USE1: variants seen among roughly 807,000 people sequenced by gnomAD.
USE1 encodes the protein unconventional SNARE in the ER 1.
In USE1, 32 loss-of-function variants were observed where a neutral mutation model predicts 37.6. That is an observed-to-expected ratio of 0.85 (90% CI 0.64 to 1.14). The LOEUF (loss-of-function observed/expected upper bound fraction) is 1.14, where lower values mean the gene tolerates loss of function less well. Ranked by LOEUF, USE1 falls within the 50% of genes most tolerant of loss-of-function variation. The pLI, the probability that USE1 is intolerant of heterozygous loss-of-function variation, is 0.00. For missense variants in USE1, 310 were observed against 332.2 expected (o/e 0.93, Z 0.52); for synonymous variants, 149 against 137.6 (o/e 1.08, Z -0.58).
intron 4 of USE1, among the ~76,000 whole-genome samples, chr19:17,216,784 G>C (rs2073293220): frequency 6.6e-6 from 1 of 152,214 alleles, no homozygotes; most frequent in African/African-American, 2.4e-5. Context: ...GTTAAGACCA[G>C]CCTGACCAAC....
Position 17,219,331 on chromosome 19 carries a change from C to T in USE1, c.541C>T (p.Arg181Trp), listed in dbSNP as rs761697349. 38 of 1,598,370 alleles carry T rather than the reference C, an allele frequency of 2.4e-5. No individual in the cohort carries two copies. Among genetic ancestry groups the T allele is most frequent in the Non-Finnish European group, 2.7e-5 (32 of 1,172,890 alleles). ...GGCGGAAGAGATGCTAGGACTGGCC[C>T]GGAGCCTCAAGACCAATACCCTGGC... is the stretch of plus-strand genomic sequence containing the variant. The part of the protein sequence containing the change: ...KLAEEMLGLA[R>W]SLKTNTLAAQ... The change falls in exon 7 of 8, where the codon CGG becomes TGG. Residue 181 changes from arginine to tryptophan, a missense_variant. Physicochemically the swap from Arg to Trp is moderately radical, Grantham distance 101. Coordinates refer to ENST00000263897, the MANE Select transcript of USE1 (RefSeq NM_018467.4).
chr19:17,217,447 C>A lies in USE1; in HGVS notation c.385-6C>A, dbSNP rs779651284. On this transcript the variant is annotated splice_region_variant and splice_polypyrimidine_tract_variant and intron_variant, in intron 4 of 7. Coordinates refer to ENST00000263897, the MANE Select transcript of USE1 (RefSeq NM_018467.4). ...CCAGCCTCATGCCACTTACTTCTTT[C>A]CACAGGACTCTGCAGGTGAGTCACC... The A allele has an allele frequency of 3.1e-6, 5 of 1,610,678 alleles. No individual in the cohort carries two copies. The South Asian group carries it at 5.5e-5, about 18-fold the overall frequency.
intron 1 of USE1, 144 bp downstream of exon 1, chr19:17,215,651 C>T: frequency 7.7e-7 from 1 of 1,302,148 alleles, no homozygotes; most frequent in Non-Finnish European, 1.1e-6. Flanking sequence ...CCACCTGTAG[C>T]TTCCGCCCCC....
chr19:17,215,418 A>T lies in USE1; in HGVS notation c.13A>T (p.Arg5Trp). ...GGGCCGGGCGATAATGGCGGCGTCGAGGCTGGAGCTAAACCTGGTGCGGCT... is the reference window on the plus strand; with the variant it reads ...GGGCCGGGCGATAATGGCGGCGTCGTGGCTGGAGCTAAACCTGGTGCGGCT... Reference protein sequence around the residue: MAASRLELNLVRLLS... With the variant: MAASWLELNLVRLLS... The change falls in exon 1 of 8, where the codon AGG becomes TGG. Residue 5 changes from arginine (R) to tryptophan (W), a missense_variant. Arg to Trp is a moderately radical substitution (Grantham distance 101). Transcript: ENST00000263897. 1 of 1,559,086 alleles carries T rather than the reference A, an allele frequency of 6.4e-7. No individual in the cohort carries two copies. The highest frequency in any genetic ancestry group is 8.7e-7 in the Non-Finnish European group (1 of 1,152,920).
intron 5 of USE1, chr19:17,217,761 A>C: frequency 2.2e-6 from 1 of 451,068 alleles, no homozygotes; most frequent in Non-Finnish European, 4.4e-6. Context: ...AAAATACAAA[A>C]CTTAGCCGGA....
intron 4 of USE1, among the ~76,000 whole-genome samples, chr19:17,217,102 G>A (rs972601527): frequency 6.6e-6 from 1 of 151,644 alleles, no homozygotes; most frequent in African/African-American, 2.4e-5. Context: ...ACAGGTTTGG[G>A]AACAAGACAA....
At chr19:17,218,275 A>G in intron 5 of USE1, 89 bp from the exon 6 acceptor site, 1 of 1,571,574 alleles carries the variant, frequency 6.4e-7, no homozygotes, top group Non-Finnish European at 8.7e-7. Flanking sequence ...ACAGCATTCC[A>G]AGCAGTAGAC....
intron 5 of USE1, 183 bp from the exon 6 acceptor site, chr19:17,218,181 G>A (rs1036579184): frequency 1.8e-5 from 13 of 728,490 alleles, no homozygotes; most frequent in Admixed American, 8.7e-5. Context: ...TGAGGGAACC[G>A]AGACAGGAGT....
intron 6 of USE1, 38 bp from the exon 7 acceptor site, chr19:17,219,175 C>T (rs1462533146): frequency 6.3e-7 from 1 of 1,576,696 alleles, no homozygotes; most frequent in Non-Finnish European, 8.6e-7. Context: ...TTTCCCACTC[C>T]ATCTCTCATG....
intron 1 of USE1, 47 bp from the exon 2 acceptor site, chr19:17,215,755 A>G (rs1314804744): frequency 5.0e-6 from 6 of 1,192,746 alleles, no homozygotes; most frequent in Non-Finnish European, 6.9e-6. Context: ...TCCCATGATC[A>G]GGACATGGGA....
Position 17,216,270 on chromosome 19 carries a change from G to A in USE1, c.333G>A (p.Leu111=). The change falls in exon 4 of 8, where the codon CTG becomes CTA. Residue 111 remains leucine (L), a synonymous_variant. Coordinates refer to ENST00000263897, the MANE Select transcript of USE1 (RefSeq NM_018467.4). The stretch of plus-strand genomic sequence containing the variant: ...TGCCCGCCACAAAGACGGTGCATCT[G>A]CAGTCACGGGCGCGGTACACCAGCG... ...ERVPATKTVH[L]QSRARYTSEM... is the part of the protein sequence containing the mutation. 1 of 1,613,122 alleles carries A rather than the reference G, an allele frequency of 6.2e-7. No homozygotes were observed. Among genetic ancestry groups the A allele is most frequent in the East Asian group, 2.2e-5 (1 of 44,882 alleles).
intron 6 of USE1, chr19:17,218,826 CAAAAA>C (rs34769436): frequency 3.9e-4 from 26 of 67,066 alleles, no homozygotes; most frequent in South Asian, 1.1e-3. Flanking sequence ...GATGCTGTCT[CAAAAA>C]AAAAAAAAAA....
intron 5 of USE1, 83 bp downstream of exon 5, chr19:17,217,545 G>T: frequency 6.4e-7 from 1 of 1,555,462 alleles, no homozygotes; most frequent in South Asian, 1.2e-5. Context: ...GGGCCTCCAT[G>T]CCGAGACTCC....
chr19:17,216,846 C>T (rs2073293621), intron 4 of USE1, among the ~76,000 whole-genome samples: 1 of 152,038 alleles, frequency 6.6e-6, no homozygotes, highest in Non-Finnish European at 1.5e-5. Context: ...GGCATGGTGG[C>T]TCACGCCTGT....
chr19:17,217,538 C>CCTCCATGCCGAGA, intron 5 of USE1, 76 bp downstream of exon 5: 4 of 1,569,374 alleles, frequency 2.5e-6, no homozygotes, highest in Non-Finnish European at 3.5e-6. Context: ...TGCCCCGGGG[C>CCTCCATGCCGAGA]CTCCATGCCG....
chr19:17,219,606 G>T, intron 7 of USE1, 25 bp from the exon 8 acceptor site: 1 of 1,581,062 alleles, frequency 6.3e-7, no homozygotes, highest in South Asian at 1.1e-5. Context: ...CAGTCCTGTT[G>T]ACACCTTTTC....
chr19:17,219,167 TC>T (rs1242991163), intron 6 of USE1, 45 bp from the exon 7 acceptor site: 1 of 1,565,596 alleles, frequency 6.4e-7, no homozygotes, highest in Non-Finnish European at 8.7e-7. Flanking sequence ...TTCTCCCCTT[TC>T]CCACTCCATC....
At position 17,217,197 on chromosome 19, in the gene USE1, G is replaced by A. The variant is rs74636598; in HGVS notation, c.385-256G>A. 1.8e-3 allele frequency among the ~76,000 whole-genome samples: 264 copies of A among 149,600 alleles called. 3 individuals carry two copies. In the East Asian group the frequency reaches 0.043, roughly 24 times the overall value. On this transcript the variant is annotated intron_variant, in intron 4 of 7. Coordinates refer to ENST00000263897, the MANE Select transcript of USE1 (RefSeq NM_018467.4). ...GTTGCCCAGGCTAGAGTGTGGTGGC[G>A]CGATCTCGGCTCACTGCAACCTCCG...
At chr19:17,215,633 C>G (rs1183496657) in intron 1 of USE1, 126 bp downstream of exon 1, 4 of 1,358,668 alleles carry the variant, frequency 2.9e-6, no homozygotes, top group Non-Finnish European at 4.0e-6. Context: ...CGGTCAGTCC[C>G]GCCACGTCCA....
Sources: allele counts gnomAD v4.1 joint callset (sites outside exome capture counted in the v4.1 genomes callset), GRCh38; gene constraint gnomAD v4.1.1; transcripts MANE v1.5; gene names NCBI Gene and HGNC (gene_info 2026-07-23, HGNC 2026-07-21).